XAB2: variants seen among roughly 807,000 people sequenced by gnomAD.
XAB2 encodes pre-mRNA-splicing factor SYF1.
Under a neutral mutation model 113.4 loss-of-function variants are expected in XAB2, and 57 were observed. The ratio of observed to expected loss-of-function variants is 0.50; its 90% CI spans 0.41 to 0.63. The LOEUF (loss-of-function observed/expected upper bound fraction) is 0.63, where lower values mean the gene tolerates loss of function less well. Ranked by LOEUF, XAB2 falls within the 20% of genes least tolerant of loss-of-function variation. XAB2 has a pLI of 0.00. For missense variants in XAB2, 1,037 were observed against 1,233.3 expected (o/e 0.84, Z 2.38); for synonymous variants, 497 against 498.8 (o/e 1.00, Z 0.05).
chr19:7,626,166 G>GA lies in XAB2; in HGVS notation c.626dup (p.Val210ArgfsTer3). The GA allele has an allele frequency of 6.2e-7, 1 of 1,613,744 alleles. No homozygotes were observed. ...AGTTGGACTTGCCGGCCTTAGACAC[G>GA]AAACGCTCGTCGTTCACCACGGTGG... is the stretch of plus-strand genomic sequence containing the variant. On this transcript the variant is annotated frameshift_variant, in exon 5 of 19. Coordinates refer to ENST00000358368, the MANE Select transcript of XAB2 (RefSeq NM_020196.3). LOFTEE classifies it high-confidence loss of function.
Position 7,621,374 on chromosome 19 carries a change from G to A in XAB2, c.1618-77C>T, listed in dbSNP as rs4134862. 9.2e-3 allele frequency: 14,187 copies of A among 1,545,102 alleles called. 766 individuals are homozygous for A. The Admixed American group carries it at 0.15, about 16-fold the overall frequency. On this transcript the variant is annotated intron_variant, in intron 12 of 18. Coordinates refer to ENST00000358368, the MANE Select transcript of XAB2 (RefSeq NM_020196.3). ...GGCACCCGGGATGTCCTTGGGTGGCGTCTGTAGGGAGCCTGCCAGGAACTC... is the reference window on the plus strand; with the variant it reads ...GGCACCCGGGATGTCCTTGGGTGGCATCTGTAGGGAGCCTGCCAGGAACTC...
In XAB2 at chr19:7,627,950, G is replaced by T; in HGVS notation, c.201-99C>A. 1 of 1,546,042 alleles carries T rather than the reference G, an allele frequency of 6.5e-7. No individual in the cohort carries two copies. Among genetic ancestry groups the T allele is most frequent in the South Asian group, 1.2e-5 (1 of 82,102 alleles). ...GTTGGCAAATGTGGGAAGAAGGGGT[G>T]TGGGAGGGGTGACATGTCTCAGCAA... On this transcript the variant is annotated intron_variant, in intron 2 of 18. Coordinates refer to ENST00000358368, the MANE Select transcript of XAB2 (RefSeq NM_020196.3). This position sits in a 1 kb window ranked among gnomAD's most constrained non-coding sequence, Gnocchi z 4.5.
chr19:7,622,684 G>A (rs2031060146), intron 10 of XAB2, 23 bp from the exon 11 acceptor site: 3 of 1,611,972 alleles, frequency 1.9e-6, no homozygotes, highest in East Asian at 2.2e-5. Context: ...ACAGTGGCCG[G>A]GGAGGCGCTC....
intron 12 of XAB2, chr19:7,621,580 C>G (rs1478741771): frequency 8.7e-6 from 4 of 457,702 alleles, no homozygotes; most frequent in African/African-American, 1.9e-5. Flanking sequence ...CCCAGCTCCG[C>G]TGACGCTGGC....
At chr19:7,620,168 C>T in intron 16 of XAB2, 93 bp from the exon 17 acceptor site, 1 of 1,593,846 alleles carries the variant, frequency 6.3e-7, no homozygotes, top group East Asian at 2.2e-5. Context: ...TGGCCCAGCC[C>T]TCAAGGAGAT....
chr19:7,627,377 G>T lies in XAB2; in HGVS notation c.388C>A (p.Arg130Ser). The T allele has an allele frequency of 6.2e-7, 1 of 1,610,614 alleles. No individual in the cohort carries two copies. Among genetic ancestry groups the T allele is most frequent in the Non-Finnish European group, 8.5e-7 (1 of 1,178,918 alleles). Residue 130 changes from arginine (R) to serine (S), a missense_variant, in exon 4 of 19, where the codon CGC (arginine) becomes AGC (serine). Physicochemically the swap from Arg to Ser is moderately radical, Grantham distance 110. Coordinates refer to ENST00000358368, the MANE Select transcript of XAB2 (RefSeq NM_020196.3). This position sits in a 1 kb window ranked among gnomAD's most constrained non-coding sequence, Gnocchi z 4.5. ...CGGAGGGCACGGTCGAAGGTGCGGC[G>T]GGTGTGTGTGACGCGCCCCTGGTCC... ...LMDQGRVTHT[R>S]RTFDRALRAL...
chr19:7,623,607 T>C lies in XAB2; in HGVS notation c.1119+124A>G. ...AGGAGGAGAACCCCAAGAACAGGGG[T>C]GGAATTGGACCTACTAAGCAAAGTC... is the stretch of plus-strand genomic sequence containing the variant. On this transcript the variant is annotated intron_variant, in intron 8 of 18. Transcript: ENST00000358368. The surrounding 1 kb of genome is among the most constrained non-coding windows in gnomAD (Gnocchi z 4.6). 6.0e-6 allele frequency: 8 copies of C among 1,324,510 alleles called. No homozygotes were observed. In the South Asian group the frequency reaches 7.3e-5, roughly 12 times the overall value. The allele number at this position is 1,324,510 out of a possible 1,614,324, so 82.0% of individuals were successfully genotyped here. A position where few individuals can be genotyped will look rare whatever the true frequency, so the allele number is the denominator to read the frequency against.
At position 7,620,967 on chromosome 19, in the gene XAB2, T is replaced by A. The variant is rs372938565; in HGVS notation, c.1850A>T (p.Glu617Val). Residue 617 changes from glutamate (E) to valine (V), a missense_variant, in exon 14 of 19, where the codon GAG becomes GTG. By Grantham distance (121) the Glu-to-Val change is moderately radical. Transcript: ENST00000358368. ...GLARHAMAVY[E>V]RATRAVEPAQ... ...GGGCTCCACGGCCCTGGTGGCACGCTCGTACACGGCCATGGCATGCCGGGC... is the reference window on the plus strand; with the variant it reads ...GGGCTCCACGGCCCTGGTGGCACGCACGTACACGGCCATGGCATGCCGGGC... The A allele has an allele frequency of 1.9e-6, 3 of 1,579,244 alleles. No homozygotes were observed. The highest frequency in any genetic ancestry group is 1.7e-6 in the Non-Finnish European group (2 of 1,164,020).
rs767415248 is a variant in XAB2, at chr19:7,619,872, G to A, written c.2397-16C>T. The A allele has an allele frequency of 3.1e-6, 5 of 1,610,784 alleles. No individual in the cohort carries two copies. Among genetic ancestry groups the A allele is most frequent in the Non-Finnish European group, 4.2e-6 (5 of 1,179,858 alleles). ...GGCGTCACTCCTAGGGACGGGCCAT[G>A]CTGCCTCAGTTCCCCACCCCGGGCC... On this transcript the variant is annotated splice_polypyrimidine_tract_variant and intron_variant, in intron 17 of 18. Coordinates refer to ENST00000358368, the MANE Select transcript of XAB2 (RefSeq NM_020196.3).
chr19:7,619,570 A>T lies in XAB2; in HGVS notation c.*16T>A, dbSNP rs2030980078. 1.7e-6 allele frequency: 1 copy of T among 600,574 alleles called. No individual in the cohort carries two copies. Among genetic ancestry groups the T allele is most frequent in the Admixed American group, 3.6e-5 (1 of 27,934 alleles). 37.2% of individuals were successfully genotyped at this position (600,574 alleles called of 1,614,324 possible). A position where few individuals can be genotyped will look rare whatever the true frequency, so the allele number is the denominator to read the frequency against. ...ATTGGGGAGGGGGTGGGGAGGGGGGATGGGGGAGGGACGGGTCAGTCTTCC... is the reference window on the plus strand; with the variant it reads ...ATTGGGGAGGGGGTGGGGAGGGGGGTTGGGGGAGGGACGGGTCAGTCTTCC... On this transcript the variant is annotated 3_prime_UTR_variant, in exon 19 of 19. Coordinates refer to ENST00000358368, the MANE Select transcript of XAB2 (RefSeq NM_020196.3).
Position 7,628,247 on chromosome 19 carries a change from C to A in XAB2, c.103G>T (p.Val35Phe). Residue 35 changes from valine (V) to phenylalanine (F), a missense_variant, in exon 2 of 19, where the codon GTC (valine) becomes TTC (phenylalanine). Physicochemically the swap from Val to Phe is conservative, Grantham distance 50. Coordinates refer to ENST00000358368, the MANE Select transcript of XAB2 (RefSeq NM_020196.3). This position sits in a 1 kb window ranked among gnomAD's most constrained non-coding sequence, Gnocchi z 4.6. The part of the protein sequence containing the change: ...EEEIMRNQFS[V>F]KCWLRYIEFK... ...TCGATGTAGCGAAGCCAGCATTTGA[C>A]AGAGAATTGGTTCCGCATGATTTCC... 1.2e-6 allele frequency: 2 copies of A among 1,614,122 alleles called. No homozygotes were observed. The highest frequency in any genetic ancestry group is 1.6e-4 in the Middle Eastern group (1 of 6,062).
rs1200595286 is a variant in XAB2 at position 7,623,344 on chromosome 19, CG to C, written c.1120-56del. 2 of 1,595,138 alleles carry C rather than the reference CG, an allele frequency of 1.3e-6. No individual in the cohort carries two copies. Among genetic ancestry groups the C allele is most frequent in the Admixed American group, 1.7e-5 (1 of 59,612 alleles). Reference sequence around the variant, plus strand: ...GACTCAGGACCCTGCAGATGACGGTCGGGGCAGAGCTGTGGCTCTGAGGGGT... The same window carrying C: ...GACTCAGGACCCTGCAGATGACGGTCGGGCAGAGCTGTGGCTCTGAGGGGT... On this transcript the variant is annotated intron_variant, in intron 8 of 18. Transcript: ENST00000358368. The surrounding 1 kb of genome is among the most constrained non-coding windows in gnomAD (Gnocchi z 4.6).
In XAB2 at chr19:7,622,327, T is replaced by A. The variant is rs376174371; in HGVS notation, c.1617+4A>T. 8 of 1,613,942 alleles carry A rather than the reference T, an allele frequency of 5.0e-6. No individual in the cohort carries two copies. In the African/African-American group the frequency reaches 9.3e-5, roughly 19 times the overall value. Reference sequence around the variant, plus strand: ...GGGCCTCTGGGTCCACCCTAGCCCCTCACCTTGAAGCTCTCCTCGAAGTAC... The same window carrying A: ...GGGCCTCTGGGTCCACCCTAGCCCCACACCTTGAAGCTCTCCTCGAAGTAC... On this transcript the variant is annotated splice_donor_region_variant and intron_variant, in intron 12 of 18. Coordinates refer to ENST00000358368, the MANE Select transcript of XAB2 (RefSeq NM_020196.3).
At position 7,620,652 on chromosome 19, in the gene XAB2, G is replaced by A. The variant is rs370122141; in HGVS notation, c.1989C>T (p.His663=). 63 of 1,612,744 alleles carry A rather than the reference G, an allele frequency of 3.9e-5. No individual in the cohort carries two copies. The highest frequency in any genetic ancestry group is 1.7e-4 in the African/African-American group (13 of 74,904). ...QKAIEVLSDE[H]AREMCLRFAD... is the part of the protein sequence containing the mutation. ...CAAACCGCAGGCACATCTCACGCGCGTGCTCGTCCGACAGCACCTGGACAC... is the reference window on the plus strand; with the variant it reads ...CAAACCGCAGGCACATCTCACGCGCATGCTCGTCCGACAGCACCTGGACAC... Residue 663 remains histidine (H), a synonymous_variant, in exon 15 of 19, where the codon CAC becomes CAT. Transcript: ENST00000358368.
In XAB2 at chr19:7,629,508, A is replaced by G; in HGVS notation, c.20T>C (p.Leu7Pro). The G allele has an allele frequency of 1.2e-6, 2 of 1,605,124 alleles. No individual in the cohort carries two copies. The highest frequency in any genetic ancestry group is 1.7e-6 in the Non-Finnish European group (2 of 1,176,076). Residue 7 changes from leucine to proline, a missense_variant, in exon 1 of 19, where the codon CTC (leucine) becomes CCC (proline). Transcript: ENST00000358368. MVVMAR[L>P]SRPERPDLVF... ...AAGGTCCGGCCGCTCGGGCCGCGAG[A>G]GTCGCGCCATCACCACCATTTTTCT...
Position 7,623,056 on chromosome 19 carries a change from ATGCACACACACG to A in XAB2, c.1239+102_1239+113del. On this transcript the variant is annotated intron_variant, in intron 9 of 18. Transcript: ENST00000358368. This position sits in a 1 kb window ranked among gnomAD's most constrained non-coding sequence, Gnocchi z 4.6. ...CACATATGCATGCACCCAAATGCACATGCACACACACGTGCACACATCCATGCACAAATATGT... is the reference window on the plus strand; with the variant it reads ...CACATATGCATGCACCCAAATGCACATGCACACATCCATGCACAAATATGT... The A allele has an allele frequency of 6.4e-7, 1 of 1,554,398 alleles. No homozygotes were observed. Among genetic ancestry groups the A allele is most frequent in the South Asian group, 1.2e-5 (1 of 84,104 alleles).
chr19:7,622,954 A>G, intron 9 of XAB2, 61 bp from the exon 10 acceptor site: 1 of 1,587,654 alleles, frequency 6.3e-7, no homozygotes, highest in South Asian at 1.1e-5. Flanking sequence ...CCCACCATCA[A>G]GGGTCAGAAA....
At position 7,627,820 on chromosome 19, in the gene XAB2, G is replaced by A. The variant is rs188460566; in HGVS notation, c.232C>T (p.Arg78Cys). The change falls in exon 3 of 19, where the codon CGT becomes TGT. Residue 78 changes from arginine (R) to cysteine (C), a missense_variant. Physicochemically the swap from Arg to Cys is radical, Grantham distance 180 (BLOSUM62 -3). Coordinates refer to ENST00000358368, the MANE Select transcript of XAB2 (RefSeq NM_020196.3). This position sits in a 1 kb window ranked among gnomAD's most constrained non-coding sequence, Gnocchi z 4.5. ...CAGCGATGCTTCACCTGTGCCCGAC[G>A]CGCCTTCAGGTATCGGTACCAGAGT... ...YKLWYRYLKARRAQVKHRCVT... is the reference protein window; with the variant it reads ...YKLWYRYLKACRAQVKHRCVT... 60 of 1,614,032 alleles carry A rather than the reference G, an allele frequency of 3.7e-5. No homozygotes were observed. The East Asian group carries it at 1.2e-3, about 32-fold the overall frequency.
chr19:7,628,170 T>C lies in XAB2; in HGVS notation c.180A>G (p.Ala60=). The change falls in exon 2 of 19, where the codon GCA becomes GCG. Residue 60 remains alanine (A), a synonymous_variant. Coordinates refer to ENST00000358368, the MANE Select transcript of XAB2 (RefSeq NM_020196.3). This position sits in a 1 kb window ranked among gnomAD's most constrained non-coding sequence, Gnocchi z 4.6. ...KPRLNQLYER[A]LKLLPCSYKL... ...CCCACCTGCAGGGCAGCAGCTTGAGTGCCCGCTCGTATAGCTGATTGAGCC... is the reference window on the plus strand; with the variant it reads ...CCCACCTGCAGGGCAGCAGCTTGAGCGCCCGCTCGTATAGCTGATTGAGCC... The C allele has an allele frequency of 1.2e-6, 2 of 1,613,522 alleles. No individual in the cohort carries two copies. Among genetic ancestry groups the C allele is most frequent in the African/African-American group, 2.7e-5 (2 of 75,022 alleles).
Sources: allele counts gnomAD v4.1 joint callset, GRCh38; gene constraint gnomAD v4.1.1; non-coding constraint Gnocchi (gnomAD v3.1); transcripts MANE v1.5; gene names NCBI Gene and HGNC (gene_info 2026-07-23, HGNC 2026-07-21).